RYR3: variants seen among roughly 807,000 people sequenced by gnomAD.
RYR3 encodes ryanodine receptor 3, also known as brain ryanodine receptor-calcium release channel.
In RYR3, 207 loss-of-function variants were observed where a neutral mutation model predicts 584.3. That is an observed-to-expected ratio of 0.35 (90% CI 0.32 to 0.40). The LOEUF (loss-of-function observed/expected upper bound fraction) is 0.40, where lower values mean the gene tolerates loss of function less well. Among genes scored for constraint, RYR3 ranks in the 10% least tolerant of loss-of-function variants. RYR3 has a pLI of 1.00. For missense variants in RYR3, 5,616 were observed against 6,089.2 expected (o/e 0.92, Z 2.59); for synonymous variants, 2,416 against 2,248.5 (o/e 1.07, Z -2.11).
intron 18 of RYR3, 104 bp downstream of exon 18, chr15:33,603,468 CAA>C (rs1390727903): frequency 6.6e-6 from 8 of 1,218,972 alleles, no homozygotes; most frequent in Admixed American, 2.3e-5. Context: ...GATACAGACT[CAA>C]GAGTCTCAAC....
chr15:33,669,855 G>GT (rs1351688568), intron 37 of RYR3, among the ~76,000 whole-genome samples: 16,680 of 51,304 alleles, frequency 0.33, 3,392 homozygotes, highest in South Asian at 0.46. Context: ...GGGGGGGGGG[G>GT]GGGTGTGGGT....
At chr15:33,760,878 A>C (rs2072366143) in intron 60 of RYR3, among the ~76,000 whole-genome samples, 1 of 152,200 alleles carries the variant, frequency 6.6e-6, no homozygotes, top group East Asian at 1.9e-4. Context: ...ATGTAAAAGA[A>C]CAGAAATCAC....
chr15:33,768,772 T>G (rs1359185597), intron 61 of RYR3, 65 bp downstream of exon 61: 1 of 1,511,068 alleles, frequency 6.6e-7, no homozygotes, highest in Non-Finnish European at 9.2e-7. Context: ...CACTTTGCCT[T>G]TATTTGTGTC....
intron 98 of RYR3, among the ~76,000 whole-genome samples, 188 bp from the exon 99 acceptor site, chr15:33,857,592 T>C (rs1271732200): frequency 6.6e-6 from 1 of 152,170 alleles, no homozygotes; most frequent in Non-Finnish European, 1.5e-5. Flanking sequence ...CGCTTCTCTT[T>C]ACCTGTGGTG....
chr15:33,836,890 C>T lies in RYR3; in HGVS notation c.11569-16C>T. The T allele has an allele frequency of 3.7e-6, 6 of 1,608,622 alleles. No homozygotes were observed. Among genetic ancestry groups the T allele is most frequent in the Non-Finnish European group, 5.1e-6 (6 of 1,176,440 alleles). On this transcript the variant is annotated splice_polypyrimidine_tract_variant and intron_variant, in intron 87 of 103. Coordinates refer to ENST00000634891, the MANE Select transcript of RYR3 (RefSeq NM_001036.6). ...GGGATCAGATAGCTCAGGGGTATCT[C>T]CTGTTTCTGTTCTAGGATTCCAGTC...
intron 98 of RYR3, among the ~76,000 whole-genome samples, chr15:33,855,155 A>G (rs11857115): frequency 3.9e-5 from 6 of 152,170 alleles, no homozygotes; most frequent in African/African-American, 2.4e-5. Context: ...ATTTAGATCA[A>G]CCAGGAGAGG....
At chr15:33,491,101 G>A (rs552665546) in intron 2 of RYR3, among the ~76,000 whole-genome samples, 8 of 152,262 alleles carry the variant, frequency 5.3e-5, no homozygotes, top group African/African-American at 1.9e-4. Context: ...GAAATTGTTG[G>A]TGGGGCTGAA....
intron 1 of RYR3, among the ~76,000 whole-genome samples, chr15:33,429,054 G>GT (rs2044895461): frequency 6.6e-6 from 1 of 152,178 alleles, no homozygotes; most frequent in South Asian, 2.1e-4. Context: ...ACTTTGTTTA[G>GT]TGGGCGGGCA....
chr15:33,739,979 C>G lies in RYR3; in HGVS notation c.7804C>G (p.Pro2602Ala). Reference sequence around the variant, plus strand: ...TGCGGATGGCAACTTTGACCCAAAACCTATTAACACCATGAAGTGAGTCCA... The same window carrying G: ...TGCGGATGGCAACTTTGACCCAAAAGCTATTAACACCATGAAGTGAGTCCA... ...VDADGNFDPKPINTMNFSLPE... is the reference protein window; with the variant it reads ...VDADGNFDPKAINTMNFSLPE... The change falls in exon 51 of 104, where the codon CCT becomes GCT. Residue 2602 changes from proline (P) to alanine (A), a missense_variant. Around this residue, in one of 9 missense-constraint regions of RYR3, gnomAD observed 1,280 missense variants for 1,426.2 expected, o/e 0.90. Transcript: ENST00000634891. 1 of 1,613,796 alleles carries G rather than the reference C, an allele frequency of 6.2e-7. No individual in the cohort carries two copies. The highest frequency in any genetic ancestry group is 8.5e-7 in the Non-Finnish European group (1 of 1,179,798).
intron 5 of RYR3, 40 bp downstream of exon 5, chr15:33,533,429 T>A: frequency 6.9e-7 from 1 of 1,450,642 alleles, no homozygotes; most frequent in Non-Finnish European, 9.6e-7. Flanking sequence ...TCAGCGGGGG[T>A]CTTGGGCTAA....
At chr15:33,618,702 A>G (rs2060572744) in intron 19 of RYR3, among the ~76,000 whole-genome samples, 1 of 152,232 alleles carries the variant, frequency 6.6e-6, no homozygotes, top group Admixed American at 6.5e-5. Flanking sequence ...ATTCGATAGC[A>G]GATAACAGTA....
chr15:33,508,757 C>T (rs934268541), intron 3 of RYR3, among the ~76,000 whole-genome samples: 1 of 152,136 alleles, frequency 6.6e-6, no homozygotes, highest in African/African-American at 2.4e-5. Context: ...TCTTCATCTC[C>T]CCGTATTACT....
intron 81 of RYR3, among the ~76,000 whole-genome samples, chr15:33,824,481 A>G (rs2077272451): frequency 6.6e-6 from 1 of 152,190 alleles, no homozygotes; most frequent in Admixed American, 6.6e-5. Flanking sequence ...CTATGTCCAA[A>G]TGTTCTTTCC....
chr15:33,739,786 A>G (rs773485604), intron 50 of RYR3, 46 bp from the exon 51 acceptor site: 5 of 1,548,214 alleles, frequency 3.2e-6, no homozygotes, highest in Non-Finnish European at 3.5e-6. Context: ...GTCTAAAGGC[A>G]TGGTTCTGCT....
In RYR3 at chr15:33,836,887, T is replaced by C. The variant is rs2152978936; in HGVS notation, c.11569-19T>C. 6.2e-7 allele frequency: 1 copy of C among 1,605,928 alleles called. No individual in the cohort carries two copies. The highest frequency in any genetic ancestry group is 1.1e-5 in the South Asian group (1 of 90,044). ...TGAGGGATCAGATAGCTCAGGGGTA[T>C]CTCCTGTTTCTGTTCTAGGATTCCA... is the stretch of plus-strand genomic sequence containing the variant. On this transcript the variant is annotated intron_variant, in intron 87 of 103. Coordinates refer to ENST00000634891, the MANE Select transcript of RYR3 (RefSeq NM_001036.6).
intron 1 of RYR3, among the ~76,000 whole-genome samples, chr15:33,381,194 G>T (rs979669494): frequency 3.3e-5 from 5 of 152,096 alleles, no homozygotes. Context: ...TGTTTCCAAC[G>T]CCTTCCTGCT....
In RYR3 at chr15:33,628,236, A is replaced by G. The variant is rs1338084775; in HGVS notation, c.2575-235A>G. The stretch of plus-strand genomic sequence containing the variant: ...TTCACATGTGAAGAACATTCAACAC[A>G]TACACCTACAGAAAAGACTAAGAGG... On this transcript the variant is annotated intron_variant, in intron 20 of 103. Coordinates refer to ENST00000634891, the MANE Select transcript of RYR3 (RefSeq NM_001036.6). Among the ~76,000 whole-genome samples, 14 of 152,164 alleles carry G rather than the reference A, an allele frequency of 9.2e-5. 1 individual carries two copies. Among genetic ancestry groups the G allele is most frequent in the Non-Finnish European group, 1.8e-4 (12 of 68,036 alleles).
chr15:33,583,635 A>G (rs921768984), intron 14 of RYR3, among the ~76,000 whole-genome samples: 2 of 152,192 alleles, frequency 1.3e-5, no homozygotes, highest in Admixed American at 6.5e-5. Context: ...AAGTATAGAA[A>G]GAGGTTGGGT....
intron 5 of RYR3, among the ~76,000 whole-genome samples, chr15:33,537,709 G>A (rs944876274): frequency 7.2e-5 from 11 of 152,140 alleles, no homozygotes; most frequent in African/African-American, 2.2e-4. Context: ...GTGTCTTGGC[G>A]TGGCCTCTTT....
Sources: gnomAD v4.1 joint callset for allele counts (sites outside exome capture counted in the v4.1 genomes callset) on GRCh38, gnomAD v4.1.1 for gene constraint, gnomAD v4.1.1 regional missense constraint, MANE v1.5 for transcripts, NCBI Gene and HGNC (gene_info 2026-07-23, HGNC 2026-07-21) for gene names.